The following FER1L6 variants were observed in gnomAD, a reference collection of about 807,000 sequenced individuals.
FER1L6 encodes the protein fer-1 like family member 6, also known as fer-1-like protein 6.
FER1L6 carries 177 observed loss-of-function variants against 219.2 expected under a neutral mutation model. That is an observed-to-expected ratio of 0.81 (90% CI 0.71 to 0.91). FER1L6 has a LOEUF of 0.91. Ranked by LOEUF, FER1L6 falls within the 40% of genes least tolerant of loss-of-function variation. The probability of loss-of-function intolerance (pLI) is 0.00; values close to 1 mark genes in which losing one functional copy is unlikely to be tolerated. For synonymous variants in FER1L6, 768 were observed against 824.3 expected (o/e 0.93, Z 1.17); for missense variants, 2,153 against 2,259.9 (o/e 0.95, Z 0.96).
At chr8:124,004,516 A>G (rs2130515346) in intron 13 of FER1L6, among the ~76,000 whole-genome samples, 1 of 152,278 alleles carries the variant, frequency 6.6e-6, no homozygotes, top group East Asian at 1.9e-4. Flanking sequence ...CTCTCAGGAT[A>G]ACAGGGACTC....
intron 1 of FER1L6, among the ~76,000 whole-genome samples, chr8:123,881,573 G>A (rs561207902): frequency 6.6e-6 from 1 of 152,122 alleles, no homozygotes; most frequent in African/African-American, 2.4e-5. Context: ...TCAGGGATGA[G>A]TTTTTAAAAA....
chr8:124,004,744 AT>A (rs1817582801), intron 13 of FER1L6, among the ~76,000 whole-genome samples: 1 of 152,126 alleles, frequency 6.6e-6, no homozygotes, highest in African/African-American at 2.4e-5. Context: ...CATGCGTGTA[AT>A]CCCAGCACTT....
intron 1 of FER1L6, among the ~76,000 whole-genome samples, chr8:123,895,017 C>A (rs546830434): frequency 6.6e-6 from 1 of 152,300 alleles, no homozygotes; most frequent in Non-Finnish European, 1.5e-5. Flanking sequence ...CTGCAGGAAC[C>A]TGGTGGACTC....
chr8:124,027,541 T>C (rs1469133525), intron 18 of FER1L6, among the ~76,000 whole-genome samples: 2 of 152,188 alleles, frequency 1.3e-5, no homozygotes, highest in Non-Finnish European at 2.9e-5. Context: ...GCTCTCCGTG[T>C]TATTTTCTGT....
intron 1 of FER1L6, among the ~76,000 whole-genome samples, chr8:123,898,717 A>C (rs1263671187): frequency 6.8e-6 from 1 of 146,152 alleles, no homozygotes; most frequent in Non-Finnish European, 1.5e-5. Flanking sequence ...GTATATACGT[A>C]TATGTGTATA....
At chr8:123,885,030 G>A (rs1021896387) in intron 1 of FER1L6, among the ~76,000 whole-genome samples, 1 of 152,226 alleles carries the variant, frequency 6.6e-6, no homozygotes, top group Admixed American at 6.5e-5. Context: ...AGAAGGCCAT[G>A]TGCAGATGGA....
chr8:123,958,868 G>A (rs1815140469), intron 2 of FER1L6, among the ~76,000 whole-genome samples: 1 of 151,520 alleles, frequency 6.6e-6, no homozygotes, highest in Non-Finnish European at 1.5e-5. Flanking sequence ...GGGGAGGGAT[G>A]CCTGTGAAAA....
At chr8:123,996,973 GT>G (rs1817161273) in intron 12 of FER1L6, among the ~76,000 whole-genome samples, 1 of 152,024 alleles carries the variant, frequency 6.6e-6, no homozygotes, top group Admixed American at 6.5e-5. Context: ...ATGTCTTAAA[GT>G]TGTTGTAGTT....
chr8:123,886,876 T>C (rs16898998), intron 1 of FER1L6, among the ~76,000 whole-genome samples: 26,329 of 152,216 alleles, frequency 0.17, 2,612 homozygotes, highest in African/African-American at 0.27. Context: ...GTCCTACCAG[T>C]GTCAGGTATT....
chr8:124,071,437 G>A, intron 30 of FER1L6, 69 bp from the exon 31 acceptor site: 1 of 1,593,054 alleles, frequency 6.3e-7, no homozygotes, highest in South Asian at 1.1e-5. Context: ...TCCCAGCACA[G>A]TGCTCTCTGT....
At chr8:123,978,147 A>G (rs531108426) in intron 10 of FER1L6, among the ~76,000 whole-genome samples, 48 of 152,344 alleles carry the variant, frequency 3.2e-4, no homozygotes, top group Non-Finnish European at 6.3e-4. Flanking sequence ...GGTCTTCCAC[A>G]AACACTGCTA....
chr8:124,047,654 T>G (rs954572809), intron 21 of FER1L6: 1 of 152,150 alleles, frequency 6.6e-6, no homozygotes, highest in Non-Finnish European at 1.5e-5. Context: ...CAACCCTAAG[T>G]CAAGCCCTTT....
chr8:123,885,183 T>G (rs183273455), intron 1 of FER1L6, among the ~76,000 whole-genome samples: 1 of 152,204 alleles, frequency 6.6e-6, no homozygotes, highest in Admixed American at 6.5e-5. Flanking sequence ...AGTTTTGGAC[T>G]TCCAGCATCC....
intron 13 of FER1L6, 66 bp from the exon 14 acceptor site, chr8:124,010,528 G>A (rs1817873889): frequency 5.7e-6 from 9 of 1,587,622 alleles, no homozygotes; most frequent in Admixed American, 1.7e-5. Flanking sequence ...AAACATTAAC[G>A]TGTGACTGGG....
At chr8:124,033,335 C>T (rs1819053357) in intron 18 of FER1L6, among the ~76,000 whole-genome samples, 2 of 152,056 alleles carry the variant, frequency 1.3e-5, no homozygotes, top group Non-Finnish European at 2.9e-5. Flanking sequence ...TAATCTTAGG[C>T]TTTCAATACG....
At chr8:123,884,155 C>T (rs2129672597) in intron 1 of FER1L6, among the ~76,000 whole-genome samples, 1 of 152,342 alleles carries the variant, frequency 6.6e-6, no homozygotes, top group Non-Finnish European at 1.5e-5. Context: ...GCCTAGGCAG[C>T]CTAGGTGCCA....
chr8:123,973,851 C>G (rs900084788), intron 7 of FER1L6, among the ~76,000 whole-genome samples: 1 of 152,118 alleles, frequency 6.6e-6, no homozygotes, highest in African/African-American at 2.4e-5. Context: ...AGCTGTGCAA[C>G]CTTGGGCAAA....
intron 1 of FER1L6, among the ~76,000 whole-genome samples, chr8:123,953,831 T>G (rs1192904113): frequency 6.6e-6 from 1 of 152,208 alleles, no homozygotes; most frequent in Non-Finnish European, 1.5e-5. Context: ...CCATAAATGC[T>G]GATTCGGGGT....
At chr8:124,079,768 C>A (rs1266826379) in intron 32 of FER1L6, among the ~76,000 whole-genome samples, 1 of 152,076 alleles carries the variant, frequency 6.6e-6, no homozygotes, top group East Asian at 1.9e-4. Flanking sequence ...GGTACAGGGG[C>A]CTTTGAGTCT....
Sources: allele counts gnomAD v4.1 joint callset (sites outside exome capture counted in the v4.1 genomes callset), GRCh38; gene constraint gnomAD v4.1.1; transcripts MANE v1.5; gene names NCBI Gene and HGNC (gene_info 2026-07-23, HGNC 2026-07-21).